TTLL11: variants seen among roughly 807,000 people sequenced by gnomAD.
TTLL11 encodes the protein tubulin tyrosine ligase like 11.
In TTLL11, 42 loss-of-function variants were observed where a neutral mutation model predicts 51.7. That is an observed-to-expected ratio of 0.81 (90% CI 0.64 to 1.05). TTLL11 has a LOEUF of 1.05. Ranked by LOEUF, TTLL11 falls within the 50% of genes least tolerant of loss-of-function variation. The pLI is 0.00. For synonymous variants in TTLL11, 381 were observed against 383.5 expected, an observed-to-expected ratio of 0.99 and a Z score of 0.08; for missense variants, 799 against 940.4, an observed-to-expected ratio of 0.85 and a Z score of 1.97.
intron 8 of TTLL11, among the ~76,000 whole-genome samples, chr9:121,837,209 C>CT (rs34858129): frequency 0.64 from 96,575 of 151,968 alleles, 31,178 homozygotes; most frequent in East Asian, 0.79. Flanking sequence ...CTGTTTTCTT[C>CT]TTTTTTTGAT....
chr9:122,044,036 G>T (rs1397461965), intron 1 of TTLL11, among the ~76,000 whole-genome samples: 1 of 152,100 alleles, frequency 6.6e-6, no homozygotes, highest in Non-Finnish European at 1.5e-5. Flanking sequence ...AGTCCCCGGT[G>T]TGTGATGTTC....
At chr9:121,838,848 TC>T (rs979028625) in intron 8 of TTLL11, among the ~76,000 whole-genome samples, 1 of 138,778 alleles carries the variant, frequency 7.2e-6, no homozygotes, top group African/African-American at 2.6e-5. Context: ...AACCACGCAC[TC>T]CCCCACTTTA....
At chr9:122,076,093 T>G (rs1305326129) in intron 1 of TTLL11, among the ~76,000 whole-genome samples, 1 of 152,074 alleles carries the variant, frequency 6.6e-6, no homozygotes, top group East Asian at 1.9e-4. Context: ...TATCTTACAG[T>G]CTATGGGAAG....
At chr9:121,844,919 G>A (rs1837473336) in intron 8 of TTLL11, among the ~76,000 whole-genome samples, 1 of 152,190 alleles carries the variant, frequency 6.6e-6, no homozygotes, top group South Asian at 2.1e-4. Flanking sequence ...AATATCGGAA[G>A]GAGAAGAATG....
intron 6 of TTLL11, among the ~76,000 whole-genome samples, chr9:121,950,768 G>A (rs1179269816): frequency 6.6e-6 from 1 of 152,166 alleles, no homozygotes; most frequent in Non-Finnish European, 1.5e-5. Context: ...CTCCCTCCAG[G>A]CTTTGAGGAG....
chr9:121,860,499 C>A, intron 7 of TTLL11, 56 bp from the exon 8 acceptor site: 2 of 1,352,176 alleles, frequency 1.5e-6, no homozygotes, highest in Admixed American at 4.0e-5. Context: ...TCCTGTCTAT[C>A]TCTCCTCCAC....
chr9:122,033,931 T>G (rs548051121), intron 2 of TTLL11, among the ~76,000 whole-genome samples: 4 of 152,236 alleles, frequency 2.6e-5, no homozygotes, highest in Non-Finnish European at 5.9e-5. Context: ...TATTTCCTTT[T>G]ATTCTCCCTC....
intron 3 of TTLL11, among the ~76,000 whole-genome samples, chr9:121,997,580 G>A (rs989979131): frequency 2.0e-5 from 3 of 152,192 alleles, no homozygotes; most frequent in Non-Finnish European, 4.4e-5. Flanking sequence ...CAGAGAGGGC[G>A]TGGGCTTCGG....
chr9:121,939,780 C>T (rs1321427639), intron 6 of TTLL11, among the ~76,000 whole-genome samples: 1 of 152,070 alleles, frequency 6.6e-6, no homozygotes, highest in African/African-American at 2.4e-5. Flanking sequence ...TCATCGTACC[C>T]CATTTCCTGC....
At chr9:121,929,631 G>C (rs372965904) in intron 6 of TTLL11, among the ~76,000 whole-genome samples, 51 of 152,286 alleles carry the variant, frequency 3.3e-4, no homozygotes, top group African/African-American at 1.2e-3. Flanking sequence ...ATAGTTTTTT[G>C]TGCTCACTCT....
rs1474230546 is a variant in TTLL11, at chr9:121,971,264, G to T, written c.1481+2745C>A. 8.0e-4 allele frequency among the ~76,000 whole-genome samples: 20 copies of T among 25,070 alleles called. 1 individual carries two copies. The highest frequency in any genetic ancestry group is 1.5e-3 in the African/African-American group (19 of 12,288). The allele number at this position is 25,070 out of a possible 152,430, so 16.4% of individuals were successfully genotyped here. On this transcript the variant is annotated intron_variant, in intron 6 of 8. Transcript: ENST00000321582. Reference sequence around the variant, plus strand: ...CAGCCGCCCCGTCCGGGAGGGAGGTGGGGGGGGGGTCAGCCCCCCTGCCCG... The same window carrying T: ...CAGCCGCCCCGTCCGGGAGGGAGGTTGGGGGGGGGTCAGCCCCCCTGCCCG...
chr9:122,090,980 T>C (rs1051548497), intron 1 of TTLL11, among the ~76,000 whole-genome samples: 1 of 152,208 alleles, frequency 6.6e-6, no homozygotes, highest in Admixed American at 6.5e-5. Flanking sequence ...TTATTCCCTA[T>C]TGAACCATGA....
chr9:121,922,707 C>A (rs2131528899), intron 6 of TTLL11, among the ~76,000 whole-genome samples: 1 of 151,614 alleles, frequency 6.6e-6, no homozygotes. Flanking sequence ...GGCCCCGTAA[C>A]CTAGTCATGT....
At chr9:121,852,010 C>T (rs940343497) in intron 8 of TTLL11, among the ~76,000 whole-genome samples, 8 of 152,198 alleles carry the variant, frequency 5.3e-5, no homozygotes, top group African/African-American at 1.2e-4. Flanking sequence ...GTGCCTGTGA[C>T]GGTTGTCACT....
chr9:121,992,319 T>G (rs1464323756), intron 3 of TTLL11, among the ~76,000 whole-genome samples: 1 of 152,242 alleles, frequency 6.6e-6, no homozygotes, highest in Non-Finnish European at 1.5e-5. Flanking sequence ...CTCTGAGGTT[T>G]ATTCAAGAAT....
At chr9:121,968,104 T>G (rs1465909587) in intron 6 of TTLL11, among the ~76,000 whole-genome samples, 2 of 152,208 alleles carry the variant, frequency 1.3e-5, no homozygotes, top group African/African-American at 4.8e-5. Flanking sequence ...CACGGAATTG[T>G]GCGCTTTTAA....
intron 4 of TTLL11, among the ~76,000 whole-genome samples, chr9:121,975,914 T>C (rs1413624245): frequency 6.6e-6 from 1 of 152,184 alleles, no homozygotes; most frequent in African/African-American, 2.4e-5. Context: ...ATTCATAGTC[T>C]CACTGAATCC....
chr9:121,844,456 C>T (rs1488085482), intron 8 of TTLL11, among the ~76,000 whole-genome samples: 1 of 152,122 alleles, frequency 6.6e-6, no homozygotes, highest in Non-Finnish European at 1.5e-5. Context: ...TACTTCATGG[C>T]TGGCTTTCAA....
At chr9:122,057,822 C>A (rs1845332158) in intron 1 of TTLL11, among the ~76,000 whole-genome samples, 1 of 152,174 alleles carries the variant, frequency 6.6e-6, no homozygotes, top group South Asian at 2.1e-4. Context: ...CCATCCCCAC[C>A]TCCACCCTCC....
Sources: gnomAD v4.1 joint callset for allele counts (sites outside exome capture counted in the v4.1 genomes callset) on GRCh38, gnomAD v4.1.1 for gene constraint, MANE v1.5 for transcripts, NCBI Gene and HGNC (gene_info 2026-07-23, HGNC 2026-07-21) for gene names.